The following BEND6 variants were observed in gnomAD, a reference collection of about 807,000 sequenced individuals.
The protein encoded by BEND6 is BEN domain containing 6, also known as BEN domain-containing protein 6.
BEND6 carries 24 observed loss-of-function variants against 31.8 expected under a neutral mutation model. The observed-to-expected ratio is 0.75, with a 90% CI of 0.55 to 1.06. The LOEUF is 1.06. Ranked by LOEUF, BEND6 falls within the 50% of genes least tolerant of loss-of-function variation. The probability of loss-of-function intolerance (pLI) is 0.00; values close to 1 mark genes in which losing one functional copy is unlikely to be tolerated. For missense variants in BEND6, 294 were observed against 327.4 expected (o/e 0.90, Z 0.79); for synonymous variants, 109 against 114.6 (o/e 0.95, Z 0.31).
At chr6:56,965,579 T>C (rs1331729025) in intron 1 of BEND6, among the ~76,000 whole-genome samples, 1 of 151,370 alleles carries the variant, frequency 6.6e-6, no homozygotes, top group African/African-American at 2.4e-5. Flanking sequence ...AGAGGATCTC[T>C]TGAGCCTAGA....
At chr6:56,962,193 C>G (rs139286351) in intron 1 of BEND6, among the ~76,000 whole-genome samples, 66 of 152,286 alleles carry the variant, frequency 4.3e-4, no homozygotes, top group Non-Finnish European at 6.3e-4. Context: ...CAGATGCCAG[C>G]ACCTTGATAT....
At chr6:56,979,131 T>G (rs1231025547) in intron 1 of BEND6, among the ~76,000 whole-genome samples, 2 of 152,186 alleles carry the variant, frequency 1.3e-5, no homozygotes, top group Non-Finnish European at 2.9e-5. Context: ...CAAGACAAAT[T>G]TCCATATTTC....
chr6:57,013,201 C>T (rs1270104673), intron 3 of BEND6, among the ~76,000 whole-genome samples: 1 of 152,214 alleles, frequency 6.6e-6, no homozygotes, highest in Non-Finnish European at 1.5e-5. Context: ...ACTACACGTT[C>T]AGGAGTTTCC....
At chr6:56,994,342 C>T (rs1826620685) in intron 3 of BEND6, among the ~76,000 whole-genome samples, 1 of 149,766 alleles carries the variant, frequency 6.7e-6, no homozygotes, top group Non-Finnish European at 1.5e-5. Context: ...ACCTGTAGTC[C>T]CAGCTACTGG....
chr6:56,962,610 C>T (rs1365822559), intron 1 of BEND6, among the ~76,000 whole-genome samples: 1 of 152,182 alleles, frequency 6.6e-6, no homozygotes, highest in African/African-American at 2.4e-5. Flanking sequence ...GCCTAGTGGG[C>T]ACTGTTCTTT....
intron 3 of BEND6, among the ~76,000 whole-genome samples, chr6:57,007,368 A>C (rs1827195654): frequency 6.6e-6 from 1 of 152,058 alleles, no homozygotes. Context: ...CTCTCGTCCT[A>C]TGCAAAAATC....
chr6:56,993,488 G>C (rs1227366520), intron 3 of BEND6, among the ~76,000 whole-genome samples: 1 of 152,074 alleles, frequency 6.6e-6, no homozygotes, highest in Non-Finnish European at 1.5e-5. Flanking sequence ...GAAAATAGAG[G>C]GGTTCACAAT....
chr6:56,956,698 C>T (rs1329254895), intron 1 of BEND6, among the ~76,000 whole-genome samples: 3 of 152,176 alleles, frequency 2.0e-5, no homozygotes, highest in Non-Finnish European at 4.4e-5. Context: ...CCAGGATAGG[C>T]TTCATGGGTC....
At chr6:56,976,710 G>A (rs1483472060) in intron 1 of BEND6, among the ~76,000 whole-genome samples, 1 of 152,118 alleles carries the variant, frequency 6.6e-6, no homozygotes, top group Admixed American at 6.5e-5. Flanking sequence ...GATTACAGGT[G>A]CACGTCACCA....
At chr6:57,007,125 C>T (rs1827186612) in intron 3 of BEND6, among the ~76,000 whole-genome samples, 1 of 151,948 alleles carries the variant, frequency 6.6e-6, no homozygotes, top group Non-Finnish European at 1.5e-5. Context: ...CCCATCTCTA[C>T]AAAAACTGTT....
intron 4 of BEND6, 28 bp downstream of exon 4, chr6:57,015,381 C>T (rs745999124): frequency 6.4e-7 from 1 of 1,558,006 alleles, no homozygotes; most frequent in Non-Finnish European, 8.8e-7. Context: ...CCTTATTGTT[C>T]TTTGGAATAT....
chr6:56,973,185 A>T (rs759722250), intron 1 of BEND6, among the ~76,000 whole-genome samples: 2 of 152,346 alleles, frequency 1.3e-5, no homozygotes, highest in East Asian at 3.9e-4. Flanking sequence ...CTCTCCACAC[A>T]TTCTGAATTA....
chr6:56,977,184 C>T (rs371964141), intron 1 of BEND6, among the ~76,000 whole-genome samples: 2 of 152,298 alleles, frequency 1.3e-5, no homozygotes, highest in African/African-American at 4.8e-5. Flanking sequence ...ATTAGCCTTT[C>T]AGCAAAGATA....
intron 1 of BEND6, among the ~76,000 whole-genome samples, chr6:56,972,583 A>T (rs1400790334): frequency 6.6e-6 from 1 of 152,224 alleles, no homozygotes. Context: ...TACACTGTCT[A>T]TGTGTGATCT....
chr6:56,983,521 G>GT (rs903223941), intron 2 of BEND6, among the ~76,000 whole-genome samples: 57 of 152,006 alleles, frequency 3.7e-4, no homozygotes, highest in East Asian at 1.4e-3. Context: ...ATATTTGAAA[G>GT]TTTTTTTTAG....
chr6:57,021,021 A>G (rs572054189), intron 6 of BEND6, among the ~76,000 whole-genome samples: 14 of 152,292 alleles, frequency 9.2e-5, no homozygotes, highest in Admixed American at 7.2e-4. Flanking sequence ...AAATTGAAAC[A>G]AGGAACAGAC....
chr6:57,022,935 G>GA (rs1365958675), intron 6 of BEND6, among the ~76,000 whole-genome samples: 41 of 152,178 alleles, frequency 2.7e-4, no homozygotes, highest in African/African-American at 9.2e-4. Context: ...TGCATTTTCT[G>GA]AGACCCTCAG....
chr6:56,957,836 C>T (rs1006300266), intron 1 of BEND6, among the ~76,000 whole-genome samples: 5 of 152,108 alleles, frequency 3.3e-5, no homozygotes, highest in African/African-American at 1.2e-4. Context: ...AGAAGATGGT[C>T]CATTATATAG....
At chr6:56,984,067 TA>T (rs1341494632) in intron 2 of BEND6, among the ~76,000 whole-genome samples, 1 of 151,862 alleles carries the variant, frequency 6.6e-6, no homozygotes, top group Non-Finnish European at 1.5e-5. Context: ...AAAAAAAATT[TA>T]AAATTAATCG....
Sources: allele counts gnomAD v4.1 joint callset (sites outside exome capture counted in the v4.1 genomes callset), GRCh38; gene constraint gnomAD v4.1.1; transcripts MANE v1.5; gene names NCBI Gene and HGNC (gene_info 2026-07-23, HGNC 2026-07-21).